BLVRB: variants seen among roughly 807,000 people sequenced by gnomAD.
BLVRB encodes the protein flavin reductase (NADPH).
BLVRB carries 25 observed loss-of-function variants against 21.1 expected under a neutral mutation model. That is an observed-to-expected ratio of 1.19 (90% CI 0.86 to 1.66). The LOEUF is 1.66. Among genes scored for constraint, BLVRB ranks in the 40% most tolerant of loss-of-function variants. The pLI is 0.00. For missense variants in BLVRB, 274 were observed against 282.7 expected (o/e 0.97, Z 0.22); for synonymous variants, 128 against 122.2 (o/e 1.05, Z -0.31).
intron 1 of BLVRB, among the ~76,000 whole-genome samples, chr19:40,461,994 G>C (rs2145783419): frequency 6.6e-6 from 1 of 152,354 alleles, no homozygotes; most frequent in East Asian, 1.9e-4. Context: ...TCCAGGGACT[G>C]TGTCATGTTT....
In BLVRB at chr19:40,451,421, G is replaced by A; in HGVS notation, c.406C>T (p.His136Tyr). The A allele has an allele frequency of 1.2e-6, 2 of 1,612,878 alleles. No homozygotes were observed. Among genetic ancestry groups the A allele is most frequent in the South Asian group, 2.2e-5 (2 of 90,634 alleles). ...QAVTDDHIRMHKVLRESGLKY... is the reference protein window; with the variant it reads ...QAVTDDHIRMYKVLRESGLKY... ...AGGCCTGATTCCCGCAGCACCTTGT[G>A]CATCCGGATGTGGTCATCAGTCACA... Residue 136 changes from histidine to tyrosine, a missense_variant, in exon 4 of 5, where the codon CAC becomes TAC. His to Tyr is a moderately conservative substitution (Grantham distance 83, BLOSUM62 2). Transcript: ENST00000263368.
At position 40,456,488 on chromosome 19, in the gene BLVRB, A is replaced by T. The variant is rs1223699842; in HGVS notation, c.334+1667T>A. On this transcript the variant is annotated intron_variant, in intron 3 of 4. Coordinates refer to ENST00000263368, the MANE Select transcript of BLVRB (RefSeq NM_000713.3). The stretch of plus-strand genomic sequence containing the variant: ...CACCTAAGACTTTAATATTTAGAAA[A>T]CAATCTAAACAAAAAAAAATGAGAA... Among the ~76,000 whole-genome samples, 18 of 152,066 alleles carry T rather than the reference A, an allele frequency of 1.2e-4. No individual in the cohort carries two copies. In the East Asian group the frequency reaches 3.5e-3, roughly 29 times the overall value.
At chr19:40,458,582 G>A (rs1461735477) in intron 1 of BLVRB, 37 bp from the exon 2 acceptor site, 4 of 1,542,260 alleles carry the variant, frequency 2.6e-6, no homozygotes, top group Non-Finnish European at 2.6e-6. Context: ...TGGTCAGTGG[G>A]CTGGCACTCT....
intron 1 of BLVRB, among the ~76,000 whole-genome samples, chr19:40,459,929 G>A (rs1468851962): frequency 6.6e-6 from 1 of 152,122 alleles, no homozygotes; most frequent in East Asian, 1.9e-4. Context: ...ACTGGTCTCT[G>A]TCTCCCATCC....
intron 1 of BLVRB, among the ~76,000 whole-genome samples, chr19:40,461,489 C>G (rs1050764116): frequency 5.4e-5 from 8 of 147,418 alleles, no homozygotes; most frequent in Non-Finnish European, 1.0e-4. Flanking sequence ...CCCTCTTCAC[C>G]CACAGCACAT....
chr19:40,454,584 C>T (rs1179007610), intron 3 of BLVRB, among the ~76,000 whole-genome samples: 2 of 151,244 alleles, frequency 1.3e-5, no homozygotes, highest in Admixed American at 1.3e-4. Flanking sequence ...CTCGCTCTGT[C>T]ACCCAGGCTG....
chr19:40,458,298 T>TGGCAGGGGC (rs1422980093), intron 2 of BLVRB, 54 bp from the exon 3 acceptor site: 2 of 476,396 alleles, frequency 4.2e-6, no homozygotes, highest in Non-Finnish European at 6.3e-6. Context: ...GCGGCAGGGG[T>TGGCAGGGGC]GGCAGGGGCG....
chr19:40,448,624 T>C (rs1394597914), intron 4 of BLVRB, among the ~76,000 whole-genome samples: 2 of 140,496 alleles, frequency 1.4e-5, no homozygotes, highest in South Asian at 2.2e-4. Flanking sequence ...TATATATATA[T>C]ATATATATAT....
chr19:40,454,777 C>T (rs1222765954), intron 3 of BLVRB, among the ~76,000 whole-genome samples: 1 of 152,008 alleles, frequency 6.6e-6, no homozygotes, highest in Non-Finnish European at 1.5e-5. Context: ...AATCTCCTGA[C>T]CTCGTGATCC....
At chr19:40,448,616 T>C (rs1194159101) in intron 4 of BLVRB, among the ~76,000 whole-genome samples, 933 of 50,864 alleles carry the variant, frequency 0.018, 11 homozygotes, top group African/African-American at 0.074. Context: ...CAAATATATA[T>C]ATATATATAT....
intron 4 of BLVRB, among the ~76,000 whole-genome samples, chr19:40,448,880 T>C (rs374044299): frequency 6.6e-6 from 1 of 151,730 alleles, no homozygotes. Context: ...TCACTTGAGC[T>C]CAGGAGTTTG....
intron 3 of BLVRB, among the ~76,000 whole-genome samples, chr19:40,452,577 T>G (rs2079744675): frequency 6.6e-6 from 1 of 151,970 alleles, no homozygotes; most frequent in Non-Finnish European, 1.5e-5. Context: ...TTAAAAAATT[T>G]TTTTAGGCCG....
At chr19:40,449,107 C>G (rs1027085297) in intron 4 of BLVRB, among the ~76,000 whole-genome samples, 3 of 151,942 alleles carry the variant, frequency 2.0e-5, no homozygotes, top group Non-Finnish European at 4.4e-5. Context: ...ACACCTTCAC[C>G]CATGTGGCAT....
In BLVRB at chr19:40,460,269, T is replaced by TATATATATATATATATATATATAC. The variant is rs1281133813; in HGVS notation, c.80-1725_80-1724insGTATATATATATATATATATATAT. On this transcript the variant is annotated intron_variant, in intron 1 of 4. Coordinates refer to ENST00000263368, the MANE Select transcript of BLVRB (RefSeq NM_000713.3). Reference sequence around the variant, plus strand: ...CAACATATATATATATATATATATATATATATTTAGAGACAGGGTCTTGCT... The same window carrying TATATATATATATATATATATATAC: ...CAACATATATATATATATATATATATATATATATATATATATATATATACATATATTTAGAGACAGGGTCTTGCT... Among the ~76,000 whole-genome samples the TATATATATATATATATATATATAC allele has an allele frequency of 1.4e-3, 198 of 140,644 alleles. 3 individuals are homozygous for TATATATATATATATATATATATAC. The highest frequency in any genetic ancestry group is 5.4e-3 in the African/African-American group (192 of 35,722). 92.3% of individuals were successfully genotyped at this position (140,644 alleles called of 152,430 possible).
intron 3 of BLVRB, among the ~76,000 whole-genome samples, chr19:40,457,064 G>A (rs75467307): frequency 0.015 from 2,249 of 150,662 alleles, 125 homozygotes; most frequent in Admixed American, 0.11. Flanking sequence ...AGTCCCAGCC[G>A]CTTGGGAGGC....
intron 1 of BLVRB, among the ~76,000 whole-genome samples, chr19:40,464,322 G>A (rs1343022311): frequency 1.3e-5 from 2 of 151,818 alleles, no homozygotes; most frequent in Non-Finnish European, 2.9e-5. Flanking sequence ...TCAAACTCCT[G>A]GCCTCAAGCC....
At chr19:40,461,219 T>G (rs1273211563) in intron 1 of BLVRB, among the ~76,000 whole-genome samples, 1 of 152,188 alleles carries the variant, frequency 6.6e-6, no homozygotes, top group African/African-American at 2.4e-5. Context: ...CTTTATCTCC[T>G]GGCCTGATCC....
intron 1 of BLVRB, among the ~76,000 whole-genome samples, chr19:40,461,116 CAAGT>C (rs2079785706): frequency 6.6e-6 from 1 of 151,942 alleles, no homozygotes; most frequent in South Asian, 2.1e-4. Context: ...CTCCTGGACT[CAAGT>C]AATCTGCCTG....
intron 1 of BLVRB, 114 bp from the exon 2 acceptor site, chr19:40,458,659 G>T: frequency 7.6e-7 from 1 of 1,321,604 alleles, no homozygotes; most frequent in Non-Finnish European, 1.0e-6. Context: ...CTCTGTTCTG[G>T]GGAAGTGGTC....
Sources: allele counts gnomAD v4.1 joint callset (sites outside exome capture counted in the v4.1 genomes callset), GRCh38; gene constraint gnomAD v4.1.1; transcripts MANE v1.5; gene names NCBI Gene and HGNC (gene_info 2026-07-23, HGNC 2026-07-21).